MFHAS1: variants seen among roughly 807,000 people sequenced by gnomAD.
The protein encoded by MFHAS1 is malignant fibrous histiocytoma-amplified sequence 1.
In MFHAS1, 50 loss-of-function variants were observed where a neutral mutation model predicts 70.4. That is an observed-to-expected ratio of 0.71 (90% CI 0.57 to 0.90). The LOEUF (loss-of-function observed/expected upper bound fraction) is 0.90, where lower values mean the gene tolerates loss of function less well. Ranked by LOEUF, MFHAS1 falls within the 40% of genes least tolerant of loss-of-function variation. MFHAS1 has a pLI of 0.00. For synonymous variants in MFHAS1, 952 were observed against 620.0 expected, an observed-to-expected ratio of 1.54 and a Z score of -7.96; for missense variants, 1,795 against 1,347.6, an observed-to-expected ratio of 1.33 and a Z score of -5.20.
At chr8:8,845,707 A>G (rs1332721418) in intron 1 of MFHAS1, among the ~76,000 whole-genome samples, 1 of 152,206 alleles carries the variant, frequency 6.6e-6, no homozygotes, top group East Asian at 1.9e-4. Context: ...ACTTATCCCT[A>G]TAGAAAAGCA....
intron 1 of MFHAS1, among the ~76,000 whole-genome samples, chr8:8,873,016 C>G (rs1348774963): frequency 1.3e-5 from 2 of 152,128 alleles, no homozygotes; most frequent in African/African-American, 2.4e-5. Context: ...GGGAAGGGGA[C>G]AGATGCACCC....
chr8:8,818,818 G>A (rs11986429), intron 1 of MFHAS1, among the ~76,000 whole-genome samples: 66 of 152,274 alleles, frequency 4.3e-4, no homozygotes, highest in African/African-American at 1.5e-3. Flanking sequence ...TAAAGTCCCT[G>A]TCGCTATCAT....
chr8:8,862,670 T>C (rs562244407), intron 1 of MFHAS1, among the ~76,000 whole-genome samples: 24 of 152,302 alleles, frequency 1.6e-4, no homozygotes, highest in African/African-American at 5.8e-4. Flanking sequence ...TACACATTTG[T>C]CCAAACTCAT....
At chr8:8,857,995 T>A (rs1278587255) in intron 1 of MFHAS1, among the ~76,000 whole-genome samples, 1 of 152,182 alleles carries the variant, frequency 6.6e-6, no homozygotes, top group Non-Finnish European at 1.5e-5. Context: ...ATGATTCAAA[T>A]AGCTGAGCTG....
At chr8:8,826,122 A>G (rs1339050375) in intron 1 of MFHAS1, among the ~76,000 whole-genome samples, 1 of 152,170 alleles carries the variant, frequency 6.6e-6, no homozygotes, top group African/African-American at 2.4e-5. Context: ...AATTTGCAGG[A>G]AAGAACACTA....
intron 2 of MFHAS1, among the ~76,000 whole-genome samples, chr8:8,788,090 G>C (rs1297094732): frequency 1.3e-5 from 2 of 152,166 alleles, no homozygotes; most frequent in African/African-American, 2.4e-5. Flanking sequence ...GTGCTTACAA[G>C]ACTCTGTTCA....
chr8:8,867,293 C>T (rs1426412037), intron 1 of MFHAS1, among the ~76,000 whole-genome samples: 1 of 152,082 alleles, frequency 6.6e-6, no homozygotes, highest in Admixed American at 6.6e-5. Context: ...ATTTTTATAA[C>T]AAAAGTTAAA....
intron 1 of MFHAS1, among the ~76,000 whole-genome samples, chr8:8,856,106 G>A (rs1428351963): frequency 1.3e-5 from 2 of 152,190 alleles, no homozygotes; most frequent in Non-Finnish European, 2.9e-5. Flanking sequence ...CATGTCTGCT[G>A]AGATGAGGGA....
intron 1 of MFHAS1, among the ~76,000 whole-genome samples, chr8:8,836,217 T>C (rs1008385148): frequency 1.3e-4 from 20 of 152,304 alleles, no homozygotes; most frequent in Non-Finnish European, 2.6e-4. Flanking sequence ...ACTGTTTCAA[T>C]TGCAAATTTC....
intron 1 of MFHAS1, among the ~76,000 whole-genome samples, chr8:8,828,783 A>G (rs1471360585): frequency 1.3e-5 from 2 of 152,210 alleles, no homozygotes; most frequent in African/African-American, 2.4e-5. Flanking sequence ...CTGGCCCCTA[A>G]TGAATAAGCA....
chr8:8,847,479 G>C (rs185470041), intron 1 of MFHAS1, among the ~76,000 whole-genome samples: 1 of 152,298 alleles, frequency 6.6e-6, no homozygotes, highest in East Asian at 1.9e-4. Context: ...ACCACGCCCG[G>C]CCAGAAATAT....
Position 8,784,540 on chromosome 8 carries a change from T to G in MFHAS1, c.*1482A>C, listed in dbSNP as rs1366885614. 6.6e-6 allele frequency: 1 copy of G among 152,188 alleles called. No individual in the cohort carries two copies. The highest frequency in any genetic ancestry group is 2.4e-5 in the African/African-American group (1 of 41,438). The allele number at this position is 152,188 out of a possible 1,614,324, so 9.4% of individuals were successfully genotyped here. ...CACAAAATATTCTACAAAAATCGGTTTGTGATTTCTAGCAGGGCAGTCGCT... is the reference window on the plus strand; with the variant it reads ...CACAAAATATTCTACAAAAATCGGTGTGTGATTTCTAGCAGGGCAGTCGCT... On this transcript the variant is annotated 3_prime_UTR_variant, in exon 3 of 3. Coordinates refer to ENST00000276282, the MANE Select transcript of MFHAS1 (RefSeq NM_004225.3).
At chr8:8,837,369 G>A (rs865864088) in intron 1 of MFHAS1, among the ~76,000 whole-genome samples, 4 of 152,164 alleles carry the variant, frequency 2.6e-5, no homozygotes, top group Non-Finnish European at 4.4e-5. Flanking sequence ...TTGGCCAGGC[G>A]CAGTGGCTCA....
chr8:8,861,897 A>C (rs1808676846), intron 1 of MFHAS1, among the ~76,000 whole-genome samples: 1 of 152,238 alleles, frequency 6.6e-6, no homozygotes, highest in Non-Finnish European at 1.5e-5. Flanking sequence ...TCAGTAGTTC[A>C]TCTCTTTTCC....
chr8:8,862,709 G>A (rs780899218), intron 1 of MFHAS1, among the ~76,000 whole-genome samples: 4 of 152,138 alleles, frequency 2.6e-5, no homozygotes, highest in South Asian at 4.1e-4. Context: ...CCTACCTAGT[G>A]TGAACTACTG....
intron 1 of MFHAS1, among the ~76,000 whole-genome samples, chr8:8,857,248 T>G (rs1305902665): frequency 6.6e-6 from 1 of 152,202 alleles, no homozygotes; most frequent in South Asian, 2.1e-4. Context: ...ATTGTTTAGT[T>G]ACTAAACTGC....
chr8:8,848,277 C>G (rs569200782), intron 1 of MFHAS1, among the ~76,000 whole-genome samples: 1 of 152,228 alleles, frequency 6.6e-6, no homozygotes, highest in African/African-American at 2.4e-5. Flanking sequence ...ATAGCCTCCT[C>G]CTAGTCTTCA....
chr8:8,874,428 T>C (rs1401543869), intron 1 of MFHAS1, among the ~76,000 whole-genome samples: 1 of 152,012 alleles, frequency 6.6e-6, no homozygotes, highest in African/African-American at 2.4e-5. Context: ...ATCTCAAAAA[T>C]ATATTTTGAA....
intron 1 of MFHAS1, among the ~76,000 whole-genome samples, chr8:8,817,920 C>A (rs1806808120): frequency 6.6e-6 from 1 of 152,154 alleles, no homozygotes; most frequent in African/African-American, 2.4e-5. Flanking sequence ...GATGAAACTG[C>A]TCACTCCTGC....
Sources: allele counts gnomAD v4.1 joint callset (sites outside exome capture counted in the v4.1 genomes callset), GRCh38; gene constraint gnomAD v4.1.1; transcripts MANE v1.5; gene names NCBI Gene and HGNC (gene_info 2026-07-23, HGNC 2026-07-21).